ANGEL2: variants seen among roughly 807,000 people sequenced by gnomAD.
ANGEL2 encodes the protein angel homolog 2, also known as RNA 2',3'-cyclic phosphatase ANGEL2.
ANGEL2 carries 41 observed loss-of-function variants against 66.0 expected under a neutral mutation model. That is an observed-to-expected ratio of 0.62 (90% CI 0.48 to 0.81). ANGEL2 has a LOEUF of 0.81. ANGEL2 is among the 30% of genes least tolerant of loss of function. The pLI is 0.00. For synonymous variants in ANGEL2, 208 were observed against 226.5 expected, an observed-to-expected ratio of 0.92 and a Z score of 0.73; for missense variants, 561 against 641.6, an observed-to-expected ratio of 0.87 and a Z score of 1.36.
chr1:213,008,292 T>G lies in ANGEL2; in HGVS notation c.560A>C (p.Tyr187Ser), dbSNP rs751644663. ...QDLLEDNSHL[Y>S]RHCRRPVLHW... Reference sequence around the variant, plus strand: ...TAATACTGGCCGCCGGCAATGTCTATAAAGGTGAGAGTTATCTTCCAGTAA... The same window carrying G: ...TAATACTGGCCGCCGGCAATGTCTAGAAAGGTGAGAGTTATCTTCCAGTAA... The change falls in exon 3 of 9, where the codon TAT becomes TCT. Residue 187 changes from tyrosine (Y) to serine (S), a missense_variant. Tyr to Ser is a moderately radical substitution (Grantham distance 144). Coordinates refer to ENST00000366962, the MANE Select transcript of ANGEL2 (RefSeq NM_144567.5). 1 of 1,614,160 alleles carries G rather than the reference T, an allele frequency of 6.2e-7. No homozygotes were observed. Among genetic ancestry groups the G allele is most frequent in the Non-Finnish European group, 8.5e-7 (1 of 1,179,968 alleles).
chr1:212,994,955 TAAAC>T lies in ANGEL2; in HGVS notation c.*82_*85del. On this transcript the variant is annotated 3_prime_UTR_variant, in exon 9 of 9. Transcript: ENST00000366962. ...CTTCAGAATCTCCACAGTGCAAAAA[TAAAC>T]AACATGCATACACTTAAGAACTTTA... The T allele has an allele frequency of 1.6e-6, 2 of 1,269,258 alleles. No individual in the cohort carries two copies. Among genetic ancestry groups the T allele is most frequent in the Non-Finnish European group, 2.1e-6 (2 of 968,982 alleles). The allele number at this position is 1,269,258 out of a possible 1,614,324, so 78.6% of individuals were successfully genotyped here.
rs1299905736 is a variant in ANGEL2, at chr1:213,005,204, C to T, written c.963G>A (p.Lys321=). ...CCAGTAGCATTGCCAATTGCGTCAGCTTAATATCACCTCGCCTTGGATTAT... is the reference window on the plus strand; with the variant it reads ...CCAGTAGCATTGCCAATTGCGTCAGTTTAATATCACCTCGCCTTGGATTAT... ...LLYNPRRGDI[K]LTQLAMLLAE... Residue 321 remains lysine, a synonymous_variant, in exon 5 of 9, where the codon AAG becomes AAA. Transcript: ENST00000366962. 6.2e-7 allele frequency: 1 copy of T among 1,614,252 alleles called. No individual in the cohort carries two copies. The highest frequency in any genetic ancestry group is 8.5e-7 in the Non-Finnish European group (1 of 1,180,038).
chr1:213,005,029 T>C lies in ANGEL2; in HGVS notation c.1134+4A>G, dbSNP rs1374312794. ...TCCCTAATAACAATGAAGAAAGCAC[T>C]TACCTTTCCTATGGGAAGTCCTTCA... On this transcript the variant is annotated splice_donor_region_variant and intron_variant, in intron 5 of 8. Transcript: ENST00000366962. The C allele has an allele frequency of 3.3e-6, 5 of 1,537,866 alleles. No homozygotes were observed. The highest frequency in any genetic ancestry group is 4.3e-6 in the Non-Finnish European group (5 of 1,149,452).
chr1:213,009,451 A>G (rs573823830), intron 2 of ANGEL2, among the ~76,000 whole-genome samples: 1 of 152,350 alleles, frequency 6.6e-6, no homozygotes, highest in African/African-American at 2.4e-5. Context: ...ATGGACTTCT[A>G]AGTATGATTA....
chr1:213,007,213 AT>A lies in ANGEL2; in HGVS notation c.643-16del. On this transcript the variant is annotated splice_polypyrimidine_tract_variant and intron_variant, in intron 3 of 8. Coordinates refer to ENST00000366962, the MANE Select transcript of ANGEL2 (RefSeq NM_144567.5). Reference sequence around the variant, plus strand: ...AAACAAAGTACCTTGGAAGAAAAAAATAGCTTGAATTAGAACACAGAGATGC... The same window carrying A: ...AAACAAAGTACCTTGGAAGAAAAAAAAGCTTGAATTAGAACACAGAGATGC... The A allele has an allele frequency of 6.5e-7, 1 of 1,549,122 alleles. No individual in the cohort carries two copies. The highest frequency in any genetic ancestry group is 1.2e-5 in the South Asian group (1 of 80,694).
At position 213,013,415 on chromosome 1, in the gene ANGEL2, G is replaced by T. The variant is rs763947803; in HGVS notation, c.63C>A (p.Tyr21Ter). Residue 21 changes from tyrosine (Y) to a stop codon, truncating the protein, a stop_gained, in exon 2 of 9, where the codon TAC becomes TAA. Coordinates refer to ENST00000366962, the MANE Select transcript of ANGEL2 (RefSeq NM_144567.5). LOFTEE classifies it high-confidence loss of function. ...TCCTCGAGTGATGGGGAAACATGGG[G>T]TATCTAAAAGAAATAAATACACTCC... Reference protein sequence around the residue: ...YGHCVVGRGRYPMFPHHSRSL... With the variant: ...YGHCVVGRGR 16 of 1,609,568 alleles carry T rather than the reference G, an allele frequency of 9.9e-6. No individual in the cohort carries two copies. The South Asian group carries it at 1.2e-4, about 12-fold the overall frequency.
chr1:213,006,772 A>G (rs1406479267), intron 4 of ANGEL2: 1 of 203,654 alleles, frequency 4.9e-6, no homozygotes, highest in Non-Finnish European at 9.8e-6. Flanking sequence ...AAAAGTTTCC[A>G]GTGAGTACCT....
intron 5 of ANGEL2, among the ~76,000 whole-genome samples, chr1:213,004,160 C>A (rs1474920190): frequency 2.6e-5 from 4 of 151,926 alleles, no homozygotes; most frequent in African/African-American, 9.7e-5. Flanking sequence ...CGAGATCCCA[C>A]CATTGCACTC....
chr1:212,993,827 C>G lies in ANGEL2; in HGVS notation c.*1214G>C, dbSNP rs1301394487. 1 of 152,186 alleles carries G rather than the reference C, an allele frequency of 6.6e-6. No homozygotes were observed. The highest frequency in any genetic ancestry group is 1.9e-4 in the East Asian group (1 of 5,200). 9.4% of individuals were successfully genotyped at this position (152,186 alleles called of 1,614,324 possible). On this transcript the variant is annotated 3_prime_UTR_variant, in exon 9 of 9. Transcript: ENST00000366962. ...AGGTCTCCAAGTTAATATCTCCCCA[C>G]TAGAGTTTTACAGGCTTCCTCATAT...
chr1:212,997,997 T>G (rs2076072471), intron 7 of ANGEL2, among the ~76,000 whole-genome samples: 2 of 152,172 alleles, frequency 1.3e-5, no homozygotes, highest in African/African-American at 4.8e-5. Flanking sequence ...ATGTTTCCCT[T>G]GCTTTTAAAG....
At position 213,008,437 on chromosome 1, in the gene ANGEL2, A is replaced by G. The variant is rs980769014; in HGVS notation, c.415T>C (p.Cys139Arg). The G allele has an allele frequency of 2.5e-6, 4 of 1,613,618 alleles. No homozygotes were observed. The highest frequency in any genetic ancestry group is 2.5e-6 in the Non-Finnish European group (3 of 1,179,896). ...GVIKRNWEYI[C>R]SHDKEKTKIL... ...TTCGTTTTTTCTTTATCATGGCTAC[A>G]TATATATTCCCAATTCCGCTTTATC... Residue 139 changes from cysteine to arginine, a missense_variant, in exon 3 of 9, where the codon TGT becomes CGT. Physicochemically the swap from Cys to Arg is radical, Grantham distance 180. Transcript: ENST00000366962.
At position 213,005,134 on chromosome 1, in the gene ANGEL2, G is replaced by C. The variant is rs777802669; in HGVS notation, c.1033C>G (p.Pro345Ala). ...VAHQKDGSFC[P>A]IVMCGDFNSV... ...TTAAAGTCACCACACATAACAATAG[G>C]GCAGAAGCTGCCATCTTTCTGGTGG... is the stretch of plus-strand genomic sequence containing the variant. The change falls in exon 5 of 9, where the codon CCT becomes GCT. Residue 345 changes from proline to alanine, a missense_variant. Physicochemically the swap from Pro to Ala is conservative, Grantham distance 27 (BLOSUM62 -1). Transcript: ENST00000366962. The C allele has an allele frequency of 1.2e-6, 2 of 1,614,090 alleles. No homozygotes were observed. Among genetic ancestry groups the C allele is most frequent in the Non-Finnish European group, 1.7e-6 (2 of 1,180,006 alleles).
intron 1 of ANGEL2, among the ~76,000 whole-genome samples, chr1:213,014,168 T>C (rs565358983): frequency 1.5e-4 from 23 of 152,300 alleles, no homozygotes; most frequent in Admixed American, 1.4e-3. Context: ...GCTCTCAGGC[T>C]CTCAAGAAAC....
chr1:213,003,893 A>C (rs2076246713), intron 5 of ANGEL2, among the ~76,000 whole-genome samples: 1 of 152,072 alleles, frequency 6.6e-6, no homozygotes, highest in Non-Finnish European at 1.5e-5. Context: ...AGAGAGATTA[A>C]CTCTTACAAA....
At chr1:213,009,912 G>T (rs148045032) in intron 2 of ANGEL2, among the ~76,000 whole-genome samples, 60 of 152,116 alleles carry the variant, frequency 3.9e-4, no homozygotes, top group African/African-American at 1.4e-3. Context: ...TTAGTCGGGT[G>T]TGGTGGCATG....
intron 2 of ANGEL2, among the ~76,000 whole-genome samples, chr1:213,012,176 C>A (rs2076525964): frequency 6.6e-6 from 1 of 152,142 alleles, no homozygotes; most frequent in Admixed American, 6.5e-5. Context: ...CCAGAGGGAA[C>A]CTGAAGAGCA....
intron 5 of ANGEL2, among the ~76,000 whole-genome samples, chr1:213,002,701 C>G (rs1234184330): frequency 2.0e-5 from 3 of 152,022 alleles, no homozygotes; most frequent in Non-Finnish European, 4.4e-5. Flanking sequence ...GAGGATTGCT[C>G]AAGCCCAGGA....
Position 213,008,456 on chromosome 1 carries a change from C to T in ANGEL2, c.396G>A (p.Lys132=), listed in dbSNP as rs770543956. 14 of 1,612,634 alleles carry T rather than the reference C, an allele frequency of 8.7e-6. 1 individual carries two copies. The East Asian group carries it at 1.1e-4, about 13-fold the overall frequency. ...GGCTACATATATATTCCCAATTCCG[C>T]TTTATCACACCTGTTAAAATATATT... ...SKRRKHQGVI[K]RNWEYICSHD... is the part of the protein sequence containing the mutation. The change falls in exon 3 of 9, where the codon AAG becomes AAA. Residue 132 remains lysine, a synonymous_variant. Coordinates refer to ENST00000366962, the MANE Select transcript of ANGEL2 (RefSeq NM_144567.5).
rs1270489531 is a variant in ANGEL2, at chr1:212,993,000, A to G, written c.*2041T>C. 1 of 152,198 alleles carries G rather than the reference A, an allele frequency of 6.6e-6. No homozygotes were observed. The allele number at this position is 152,198 out of a possible 1,614,324, so 9.4% of individuals were successfully genotyped here. On this transcript the variant is annotated 3_prime_UTR_variant, in exon 9 of 9. Coordinates refer to ENST00000366962, the MANE Select transcript of ANGEL2 (RefSeq NM_144567.5). Reference sequence around the variant, plus strand: ...GTGGGAAATCCTAGAACTATAATTAATACTGTAATTAAAATCCCCCCAAAG... The same window carrying G: ...GTGGGAAATCCTAGAACTATAATTAGTACTGTAATTAAAATCCCCCCAAAG...
Sources: gnomAD v4.1 joint callset for allele counts (sites outside exome capture counted in the v4.1 genomes callset) on GRCh38, gnomAD v4.1.1 for gene constraint, MANE v1.5 for transcripts, NCBI Gene and HGNC (gene_info 2026-07-23, HGNC 2026-07-21) for gene names.